Variants in REEP5 observed in about 807,000 individuals in gnomAD.
REEP5 encodes receptor accessory protein 5, also known as receptor expression-enhancing protein 5.
In REEP5, 24 loss-of-function variants were observed where a neutral mutation model predicts 22.4. The ratio of observed to expected loss-of-function variants is 1.07; its 90% CI spans 0.78 to 1.51. The LOEUF is 1.51. Among genes scored for constraint, REEP5 ranks in the 40% most tolerant of loss-of-function variants. The pLI is 0.00. For missense variants in REEP5, 252 were observed against 233.0 expected, an observed-to-expected ratio of 1.08 and a Z score of -0.53; for synonymous variants, 103 against 88.6, an observed-to-expected ratio of 1.16 and a Z score of -0.92.
intron 2 of REEP5, among the ~76,000 whole-genome samples, chr5:112,913,536 T>TTA (rs1491429859): frequency 1.4e-4 from 9 of 65,438 alleles, no homozygotes; most frequent in African/African-American, 5.2e-4. Context: ...TGACCCTGGC[T>TTA]AAAAAAAAAA....
Position 112,910,005 on chromosome 5 carries a change from T to TA in REEP5, c.213-7488dup, listed in dbSNP as rs531977049. 4.3e-3 allele frequency among the ~76,000 whole-genome samples: 655 copies of TA among 152,256 alleles called. 7 individuals are homozygous for TA. The highest frequency in any genetic ancestry group is 0.015 in the African/African-American group (636 of 41,546). ...TGTGTCAATGTATGTTCACCAATTA[T>TA]AAAAAACAGCACTCTGACCAGGCAC... On this transcript the variant is annotated intron_variant, in intron 2 of 4. Coordinates refer to ENST00000379638, the MANE Select transcript of REEP5 (RefSeq NM_005669.5).
rs188836069 is a variant in REEP5, at chr5:112,879,462, A to G, written c.521-627T>C. 4.6e-3 allele frequency among the ~76,000 whole-genome samples: 696 copies of G among 152,114 alleles called. 7 individuals are homozygous for G. The highest frequency in any genetic ancestry group is 0.016 in the African/African-American group (671 of 41,518). ...TTCCATATAACCTATGTGCTTTCAT[A>G]TACTTTATTTATTTACTTATTTATT... is the stretch of plus-strand genomic sequence containing the variant. On this transcript the variant is annotated intron_variant, in intron 4 of 4. Transcript: ENST00000379638.
chr5:112,896,707 G>A (rs1264948003), intron 3 of REEP5: 1 of 151,684 alleles, frequency 6.6e-6, no homozygotes, highest in African/African-American at 2.4e-5. Flanking sequence ...AGGCTGAGGT[G>A]GGTGGATCAC....
chr5:112,882,637 G>T (rs934369468), intron 4 of REEP5, among the ~76,000 whole-genome samples: 1 of 152,100 alleles, frequency 6.6e-6, no homozygotes, highest in South Asian at 2.1e-4. Context: ...GTCCTAGAGG[G>T]GCCAGCACAC....
At chr5:112,915,633 G>A (rs1026163993) in intron 2 of REEP5, among the ~76,000 whole-genome samples, 2 of 152,214 alleles carry the variant, frequency 1.3e-5, no homozygotes, top group Admixed American at 1.3e-4. Context: ...TTAAGTCACA[G>A]TTTGCAGAAT....
At chr5:112,894,086 G>A (rs926697747) in intron 3 of REEP5, 5 of 151,784 alleles carry the variant, frequency 3.3e-5, no homozygotes, top group African/African-American at 1.2e-4. Flanking sequence ...TTTCCCTGTG[G>A]AAGCCTTTTG....
At chr5:112,893,116 A>C (rs1359708905) in intron 3 of REEP5, 11 of 809,790 alleles carry the variant, frequency 1.4e-5, no homozygotes, top group Non-Finnish European at 2.0e-5. Context: ...AAAAAAAAAA[A>C]AGAATGGACC....
chr5:112,879,759 A>G (rs1768013504), intron 4 of REEP5, among the ~76,000 whole-genome samples: 3 of 152,060 alleles, frequency 2.0e-5, no homozygotes, highest in Admixed American at 2.0e-4. Flanking sequence ...TACAGACGTA[A>G]GCCACCATGC....
chr5:112,921,924 G>A (rs1769381779), intron 1 of REEP5, 149 bp downstream of exon 1: 1 of 1,019,190 alleles, frequency 9.8e-7, no homozygotes, highest in Non-Finnish European at 1.3e-6. Flanking sequence ...ACGCTTTCCG[G>A]GAGGCCAGCC....
At chr5:112,918,771 C>T (rs1769286089) in intron 2 of REEP5, among the ~76,000 whole-genome samples, 2 of 151,720 alleles carry the variant, frequency 1.3e-5, no homozygotes, top group African/African-American at 4.8e-5. Context: ...CTGGTGCCTC[C>T]CCCACCACTC....
At chr5:112,890,030 T>G (rs1001612838) in intron 3 of REEP5, among the ~76,000 whole-genome samples, 1 of 150,466 alleles carries the variant, frequency 6.6e-6, no homozygotes, top group African/African-American at 2.5e-5. Flanking sequence ...TTTCACCATG[T>G]TGGCCAGGCT....
intron 3 of REEP5, chr5:112,897,815 T>C (rs1417124427): frequency 6.6e-6 from 1 of 152,194 alleles, no homozygotes; most frequent in Non-Finnish European, 1.5e-5. Context: ...TCCCAGCATT[T>C]TGAGAGGCCG....
At chr5:112,892,957 C>G (rs769530839) in intron 3 of REEP5, 1 of 1,595,266 alleles carries the variant, frequency 6.3e-7, no homozygotes, top group East Asian at 2.3e-5. Context: ...GGACCAGGGC[C>G]GCCGGAGCCA....
chr5:112,892,402 G>A (rs1212765273), intron 3 of REEP5: 110 of 1,613,998 alleles, frequency 6.8e-5, no homozygotes, highest in Non-Finnish European at 8.6e-5. Context: ...GTTCAAGAAC[G>A]TGGGGAAAGT....
intron 4 of REEP5, among the ~76,000 whole-genome samples, chr5:112,881,241 A>T (rs887973342): frequency 1.4e-4 from 21 of 152,110 alleles, no homozygotes; most frequent in Non-Finnish European, 2.8e-4. Flanking sequence ...TATGCCCAAA[A>T]ATAGGAGTCC....
chr5:112,892,977 G>A (rs752975056), intron 3 of REEP5: 83 of 1,588,420 alleles, frequency 5.2e-5, no homozygotes, highest in Non-Finnish European at 7.0e-5. Flanking sequence ...AGAGCCGCAG[G>A]AGCCACCGCA....
At chr5:112,880,692 C>T (rs419632) in intron 4 of REEP5, among the ~76,000 whole-genome samples, 61,707 of 152,066 alleles carry the variant, frequency 0.41, 13,870 homozygotes, top group African/African-American at 0.62. Flanking sequence ...TGTGTCATAA[C>T]AAAGTAAGAT....
chr5:112,903,592 T>G (rs1021748068), intron 2 of REEP5, among the ~76,000 whole-genome samples: 1 of 152,156 alleles, frequency 6.6e-6, no homozygotes, highest in African/African-American at 2.4e-5. Flanking sequence ...TAAAAAATTT[T>G]CAAAAAGCAA....
chr5:112,895,913 A>G (rs1203408076), intron 3 of REEP5: 1 of 152,170 alleles, frequency 6.6e-6, no homozygotes, highest in Non-Finnish European at 1.5e-5. Flanking sequence ...AGTCCATGCT[A>G]TTTTAACTGG....
Sources: gnomAD v4.1 joint callset for allele counts (sites outside exome capture counted in the v4.1 genomes callset) on GRCh38, gnomAD v4.1.1 for gene constraint, MANE v1.5 for transcripts, NCBI Gene and HGNC (gene_info 2026-07-23, HGNC 2026-07-21) for gene names.